UTP25: variants seen among roughly 807,000 people sequenced by gnomAD.
UTP25 encodes the protein U3 small nucleolar RNA-associated protein 25 homolog.
UTP25 carries 50 observed loss-of-function variants against 78.9 expected under a neutral mutation model. The observed-to-expected ratio is 0.63, with a 90% CI of 0.50 to 0.80. The LOEUF (loss-of-function observed/expected upper bound fraction) is 0.80. Among genes scored for constraint, UTP25 ranks in the 30% least tolerant of loss-of-function variants. The probability of loss-of-function intolerance (pLI) is 0.00; values close to 1 mark genes in which losing one functional copy is unlikely to be tolerated. For synonymous variants in UTP25, 329 were observed against 336.5 expected (o/e 0.98, Z 0.24); for missense variants, 846 against 911.3 (o/e 0.93, Z 0.92).
intron 11 of UTP25, among the ~76,000 whole-genome samples, chr1:209,847,383 C>T (rs2078203540): frequency 6.6e-6 from 1 of 152,206 alleles, no homozygotes; most frequent in Non-Finnish European, 1.5e-5. Flanking sequence ...TCTCTCTATC[C>T]CCACTCACAT....
chr1:209,840,791 G>T, intron 7 of UTP25, 62 bp from the exon 8 acceptor site: 1 of 1,527,018 alleles, frequency 6.5e-7, no homozygotes, highest in Non-Finnish European at 9.1e-7. Flanking sequence ...GCTTTGAGAG[G>T]GTGGAAGGTA....
chr1:209,837,338 T>A lies in UTP25; in HGVS notation c.1062+127T>A, dbSNP rs1345229301. The A allele has an allele frequency of 1.9e-5, 22 of 1,133,194 alleles. No homozygotes were observed. The Admixed American group carries it at 6.0e-4, about 31-fold the overall frequency. 70.2% of individuals were successfully genotyped at this position (1,133,194 alleles called of 1,614,324 possible). A position where few individuals can be genotyped will look rare whatever the true frequency, so the allele number is the denominator to read the frequency against. On this transcript the variant is annotated intron_variant, in intron 6 of 11. Transcript: ENST00000491415. ...CTGGCATAATGAATGAGCCCAAATGTGAGCATATTAAGTAGGCCAGGTAGT... is the reference window on the plus strand; with the variant it reads ...CTGGCATAATGAATGAGCCCAAATGAGAGCATATTAAGTAGGCCAGGTAGT...
At chr1:209,841,876 C>T (rs1480466025) in intron 8 of UTP25, among the ~76,000 whole-genome samples, 1 of 152,220 alleles carries the variant, frequency 6.6e-6, no homozygotes, top group Non-Finnish European at 1.5e-5. Flanking sequence ...CAGGGTGACA[C>T]TGCAACTATT....
chr1:209,849,980 A>T (rs2102583294), intron 11 of UTP25, among the ~76,000 whole-genome samples: 1 of 152,290 alleles, frequency 6.6e-6, no homozygotes, highest in East Asian at 1.9e-4. Flanking sequence ...TGACATTGGT[A>T]GCTTGAAACT....
rs1270960951 is a variant in UTP25 at position 209,857,318 on chromosome 1, C to A, written c.*5871C>A. The stretch of plus-strand genomic sequence containing the variant: ...ATGAAACTTGCTTCTCCAGGCCAAT[C>A]ATCCTTACTTCCTTAAACTTTTTTT... On this transcript the variant is annotated 3_prime_UTR_variant, in exon 12 of 12. Coordinates refer to ENST00000491415, the MANE Select transcript of UTP25 (RefSeq NM_014388.7). 6.6e-6 allele frequency: 1 copy of A among 152,044 alleles called. No homozygotes were observed. The highest frequency in any genetic ancestry group is 1.5e-5 in the Non-Finnish European group (1 of 68,018). The allele number at this position is 152,044 out of a possible 1,614,324, so 9.4% of individuals were successfully genotyped here.
intron 1 of UTP25, among the ~76,000 whole-genome samples, chr1:209,828,386 G>C (rs1051734324): frequency 6.7e-6 from 1 of 148,300 alleles, no homozygotes; most frequent in Non-Finnish European, 1.5e-5. Context: ...AGGCACGCCC[G>C]TTGTGTGGGG....
chr1:209,843,249 T>C (rs752923032), intron 10 of UTP25: 6 of 619,882 alleles, frequency 9.7e-6, no homozygotes, highest in Non-Finnish European at 1.7e-5. Flanking sequence ...TTTTTTACAA[T>C]GAATAGTGTT....
Position 209,833,256 on chromosome 1 carries a change from C to A in UTP25, c.460C>A (p.Pro154Thr). ...EEPPGTSQTS[P>T]EEFTDAKHES... is the part of the protein sequence containing the mutation. The stretch of plus-strand genomic sequence containing the variant: ...GCCACCGGGCACATCACAAACATCC[C>A]CCGAAGAGTTCACAGATGCAAAACA... Residue 154 changes from proline (P) to threonine (T), a missense_variant, in exon 4 of 12, where the codon CCC becomes ACC. Physicochemically the swap from Pro to Thr is conservative, Grantham distance 38. Transcript: ENST00000491415. 1 of 1,613,194 alleles carries A rather than the reference C, an allele frequency of 6.2e-7. No individual in the cohort carries two copies. The highest frequency in any genetic ancestry group is 8.5e-7 in the Non-Finnish European group (1 of 1,179,664).
rs1407981903 is a variant in UTP25, at chr1:209,851,493, T to C, written c.*46T>C. On this transcript the variant is annotated 3_prime_UTR_variant, in exon 12 of 12. Transcript: ENST00000491415. Reference sequence around the variant, plus strand: ...GGTATTTGGCATGATACATAATGTTTGATTCTATGCCATTTGGACCCAATT... The same window carrying C: ...GGTATTTGGCATGATACATAATGTTCGATTCTATGCCATTTGGACCCAATT... 1 of 1,550,542 alleles carries C rather than the reference T, an allele frequency of 6.4e-7. No homozygotes were observed. Among genetic ancestry groups the C allele is most frequent in the East Asian group, 2.3e-5 (1 of 44,348 alleles).
chr1:209,835,257 T>C (rs2078126804), intron 5 of UTP25, 94 bp downstream of exon 5: 4 of 1,044,958 alleles, frequency 3.8e-6, no homozygotes, highest in African/African-American at 1.6e-5. Context: ...ATGTATGATA[T>C]ACACCTGCAG....
At chr1:209,845,074 G>A (rs1004921479) in intron 11 of UTP25, among the ~76,000 whole-genome samples, 7 of 152,232 alleles carry the variant, frequency 4.6e-5, no homozygotes, top group Non-Finnish European at 7.3e-5. Flanking sequence ...ATGCTAAAAC[G>A]ATTAGGATGG....
At chr1:209,837,649 CAAG>C (rs908369467) in intron 6 of UTP25, among the ~76,000 whole-genome samples, 18 of 152,300 alleles carry the variant, frequency 1.2e-4, no homozygotes, top group Admixed American at 9.8e-4. Context: ...AGAGATGAGA[CAAG>C]AACCATAGAT....
In UTP25 at chr1:209,841,021, A is replaced by T. The variant is rs1210977555; in HGVS notation, c.1451A>T (p.Asp484Val). The part of the protein sequence containing the change: ...SIELLIIDQA[D>V]IYLMQNWEHV... Reference sequence around the variant, plus strand: ...GAGCTTCTCATCATTGATCAAGCTGACATTTACCTGATGCAGAACTGGGAG... The same window carrying T: ...GAGCTTCTCATCATTGATCAAGCTGTCATTTACCTGATGCAGAACTGGGAG... Residue 484 changes from aspartate to valine, a missense_variant, in exon 8 of 12, where the codon GAC becomes GTC. Coordinates refer to ENST00000491415, the MANE Select transcript of UTP25 (RefSeq NM_014388.7). 6.2e-7 allele frequency: 1 copy of T among 1,613,928 alleles called. No homozygotes were observed. Among genetic ancestry groups the T allele is most frequent in the East Asian group, 2.2e-5 (1 of 44,894 alleles).
intron 6 of UTP25, among the ~76,000 whole-genome samples, chr1:209,837,751 C>T (rs1378581108): frequency 1.3e-5 from 2 of 152,148 alleles, no homozygotes; most frequent in African/African-American, 2.4e-5. Flanking sequence ...TAAAGTGATG[C>T]GTTTGTATTC....
chr1:209,845,876 T>A (rs2078194407), intron 11 of UTP25, among the ~76,000 whole-genome samples: 1 of 147,324 alleles, frequency 6.8e-6, no homozygotes, highest in African/African-American at 2.5e-5. Context: ...TTTTTTTTTT[T>A]AAGACAGTCT....
intron 1 of UTP25, among the ~76,000 whole-genome samples, chr1:209,829,053 C>T (rs1461661828): frequency 6.6e-6 from 1 of 152,102 alleles, no homozygotes; most frequent in African/African-American, 2.4e-5. Flanking sequence ...GAATTACAGG[C>T]GTGAACCACC....
rs61745236 is a variant in UTP25 at position 209,836,979 on chromosome 1, C to A, written c.830C>A (p.Pro277His). The part of the protein sequence containing the change: ...GPQKSSSPFT[P>H]LQKELFLIMN... ...CAAAAATCAAGCAGCCCATTCACCC[C>A]CCTCCAGAAAGAACTCTTCTTAATT... The change falls in exon 6 of 12, where the codon CCC (proline) becomes CAC (histidine). Residue 277 changes from proline (P) to histidine (H), a missense_variant. Transcript: ENST00000491415. 6.2e-7 allele frequency: 1 copy of A among 1,614,116 alleles called. No homozygotes were observed. The highest frequency in any genetic ancestry group is 8.5e-7 in the Non-Finnish European group (1 of 1,180,004).
intron 11 of UTP25, among the ~76,000 whole-genome samples, chr1:209,849,922 C>T (rs1201531442): frequency 6.6e-6 from 1 of 152,184 alleles, no homozygotes; most frequent in Non-Finnish European, 1.5e-5. Flanking sequence ...CTGAAGCTGG[C>T]TCACACTGGC....
intron 6 of UTP25, among the ~76,000 whole-genome samples, chr1:209,838,044 C>A (rs1041199445): frequency 5.9e-5 from 9 of 152,212 alleles, no homozygotes; most frequent in Non-Finnish European, 1.2e-4. Flanking sequence ...GGAACAATAA[C>A]CCAGTCCTCT....
Sources: allele counts gnomAD v4.1 joint callset (sites outside exome capture counted in the v4.1 genomes callset), GRCh38; gene constraint gnomAD v4.1.1; transcripts MANE v1.5; gene names NCBI Gene and HGNC (gene_info 2026-07-23, HGNC 2026-07-21).